LTBP1: variants seen among roughly 807,000 people sequenced by gnomAD.
LTBP1 encodes the protein latent transforming growth factor beta binding protein 1, also known as latent-transforming growth factor beta-binding protein 1.
LTBP1 carries 129 observed loss-of-function variants against 207.6 expected under a neutral mutation model. The ratio of observed to expected loss-of-function variants is 0.62; its 90% CI spans 0.54 to 0.72. LTBP1 has a LOEUF of 0.72. Ranked by LOEUF, LTBP1 falls within the 30% of genes least tolerant of loss-of-function variation. LTBP1 has a pLI of 0.00. For synonymous variants in LTBP1, 963 were observed against 833.7 expected (o/e 1.16, Z -2.67); for missense variants, 2,281 against 2,217.2 (o/e 1.03, Z -0.58).
At chr2:32,962,929 T>G (rs1405784633) in intron 2 of LTBP1, among the ~76,000 whole-genome samples, 1 of 152,270 alleles carries the variant, frequency 6.6e-6, no homozygotes, top group East Asian at 1.9e-4. Context: ...CAGCTGTGGC[T>G]TGAGAACCAC....
chr2:33,068,089 A>G (rs1048644905), intron 3 of LTBP1, among the ~76,000 whole-genome samples: 5 of 146,332 alleles, frequency 3.4e-5, no homozygotes, highest in African/African-American at 1.3e-4. Flanking sequence ...GTGAAAAGAC[A>G]TTTTCAGAGA....
At chr2:33,052,550 C>CTACATATTTTGTTGGCAAT (rs2076797512) in intron 3 of LTBP1, among the ~76,000 whole-genome samples, 1 of 152,084 alleles carries the variant, frequency 6.6e-6, no homozygotes, top group African/African-American at 2.4e-5. Context: ...TATTTGGCAA[C>CTACATATTTTGTTGGCAAT]TACATATTTT....
chr2:33,362,399 G>A (rs2094936984), intron 28 of LTBP1, among the ~76,000 whole-genome samples: 1 of 152,130 alleles, frequency 6.6e-6, no homozygotes, highest in Non-Finnish European at 1.5e-5. Flanking sequence ...TTTATAATAT[G>A]TGTTGAATGG....
intron 1 of LTBP1, among the ~76,000 whole-genome samples, chr2:32,948,478 G>A (rs184881061): frequency 2.8e-4 from 43 of 152,266 alleles, no homozygotes; most frequent in African/African-American, 9.6e-4. Context: ...TTTTTCAGGG[G>A]TGATTCCAGG....
chr2:33,110,512 C>T (rs997736845), intron 3 of LTBP1, 70 bp from the exon 4 acceptor site: 22 of 1,411,084 alleles, frequency 1.6e-5, no homozygotes, highest in African/African-American at 1.4e-4. Flanking sequence ...TCGTTGCTTA[C>T]CCTTTCCTTA....
In LTBP1 at chr2:33,327,556, T is replaced by G. The variant is rs993977736; in HGVS notation, c.3730+12287T>G. ...AATTACATATGTTTCTTATTTTTGC[T>G]TATATTCCTATTTTAAAAAAAGTAG... On this transcript the variant is annotated intron_variant, in intron 24 of 33. Coordinates refer to ENST00000404816, the MANE Select transcript of LTBP1 (RefSeq NM_206943.4). Among the ~76,000 whole-genome samples, 6 of 152,208 alleles carry G rather than the reference T, an allele frequency of 3.9e-5. 1 individual carries two copies. The highest frequency in any genetic ancestry group is 5.9e-5 in the Non-Finnish European group (4 of 68,028).
chr2:33,364,256 C>T lies in LTBP1; in HGVS notation c.4440C>T (p.Gly1480=), dbSNP rs1179033252. ...ECQDPSSCID[G]QCVNTEGSYN... ...AAGACCCCAGTAGTTGTATTGATGG[C>T]CAGTGTGTTAATACAGAGGGCTCTT... is the stretch of plus-strand genomic sequence containing the variant. Residue 1480 remains glycine (G), a synonymous_variant, in exon 30 of 34, where the codon GGC becomes GGT. Transcript: ENST00000404816. 2.5e-6 allele frequency: 4 copies of T among 1,613,798 alleles called. No homozygotes were observed. The South Asian group carries it at 4.4e-5, about 18-fold the overall frequency.
At chr2:33,222,019 C>A in intron 8 of LTBP1, 61 bp from the exon 9 acceptor site, 2 of 1,245,926 alleles carry the variant, frequency 1.6e-6, no homozygotes, top group Non-Finnish European at 2.4e-6. Flanking sequence ...TCAGATATCA[C>A]TTACACTAGT....
At chr2:33,204,346 G>A (rs142843252) in intron 7 of LTBP1, among the ~76,000 whole-genome samples, 210 of 152,288 alleles carry the variant, frequency 1.4e-3, no homozygotes, top group African/African-American at 3.3e-3. Flanking sequence ...GCTTGGACAC[G>A]TCTGTGAACA....
intron 2 of LTBP1, among the ~76,000 whole-genome samples, chr2:32,992,210 C>G (rs993149738): frequency 6.6e-5 from 10 of 152,156 alleles, no homozygotes; most frequent in Non-Finnish European, 1.5e-4. Flanking sequence ...ATGTATGCTG[C>G]CACGTGAAAT....
At position 33,187,096 on chromosome 2, in the gene LTBP1, T is replaced by C; in HGVS notation, c.1426+16T>C. ...GGAGTCAAAGGTAAGCTTTTTTCAT[T>C]CCGCCCATTTGCCAGACCTCTGTTA... On this transcript the variant is annotated intron_variant, in intron 6 of 33. Transcript: ENST00000404816. The C allele has an allele frequency of 6.2e-7, 1 of 1,609,670 alleles. No individual in the cohort carries two copies.
At chr2:33,252,897 C>T (rs3731575) in intron 11 of LTBP1, 53 bp downstream of exon 11, 357,236 of 1,454,912 alleles carry the variant, frequency 0.25, 45,110 homozygotes, top group Non-Finnish European at 0.26. Context: ...CATGAGTACA[C>T]GGGACAACTT....
At chr2:33,319,071 GC>G (rs1403870650) in intron 24 of LTBP1, among the ~76,000 whole-genome samples, 3 of 152,150 alleles carry the variant, frequency 2.0e-5, no homozygotes, top group Admixed American at 6.6e-5. Flanking sequence ...CTGTACTCCA[GC>G]CTGCGTGACA....
chr2:33,019,915 C>T (rs997182052), intron 2 of LTBP1, among the ~76,000 whole-genome samples: 2 of 144,468 alleles, frequency 1.4e-5, no homozygotes, highest in Admixed American at 7.0e-5. Flanking sequence ...GGTCTTACTA[C>T]GTTGCTGAGG....
At chr2:33,286,340 A>G (rs1321598373) in intron 19 of LTBP1, among the ~76,000 whole-genome samples, 1 of 152,246 alleles carries the variant, frequency 6.6e-6, no homozygotes, top group Non-Finnish European at 1.5e-5. Context: ...CTTGAAGAAT[A>G]AACTTGGACA....
At chr2:33,344,576 G>T (rs2094676343) in intron 25 of LTBP1, among the ~76,000 whole-genome samples, 1 of 152,132 alleles carries the variant, frequency 6.6e-6, no homozygotes, top group Admixed American at 6.5e-5. Flanking sequence ...GAGGTTCAGT[G>T]TCATCTTCCA....
At chr2:33,197,311 A>C (rs2088675671) in intron 7 of LTBP1, among the ~76,000 whole-genome samples, 3 of 152,176 alleles carry the variant, frequency 2.0e-5, no homozygotes, top group Admixed American at 2.0e-4. Flanking sequence ...TGCTACCTGG[A>C]GTAAGTTGTG....
At position 33,125,712 on chromosome 2, in the gene LTBP1, C is replaced by G. The variant is rs141631555; in HGVS notation, c.1034-9081C>G. 8.1e-3 allele frequency among the ~76,000 whole-genome samples: 1,229 copies of G among 151,952 alleles called. 12 individuals are homozygous for G. Among genetic ancestry groups the G allele is most frequent in the East Asian group, 0.014 (72 of 5,172 alleles). On this transcript the variant is annotated intron_variant, in intron 4 of 33. Transcript: ENST00000404816. The stretch of plus-strand genomic sequence containing the variant: ...TGGGCGTGGTGCAGGTGCCTGTAGT[C>G]CCAGCTGCTCGGGAGGCTGAGGCAG...
chr2:33,164,523 A>G (rs146408216), intron 5 of LTBP1, among the ~76,000 whole-genome samples: 35 of 152,184 alleles, frequency 2.3e-4, no homozygotes, highest in African/African-American at 7.7e-4. Context: ...ATGCTTATTT[A>G]TAGTATTTTA....
Sources: gnomAD v4.1 joint callset for allele counts (sites outside exome capture counted in the v4.1 genomes callset) on GRCh38, gnomAD v4.1.1 for gene constraint, MANE v1.5 for transcripts, NCBI Gene and HGNC (gene_info 2026-07-23, HGNC 2026-07-21) for gene names.